Variants in ZSCAN25 observed in about 807,000 individuals in gnomAD.
ZSCAN25 encodes zinc finger and SCAN domain-containing protein 25.
In ZSCAN25, 27 loss-of-function variants were observed where a neutral mutation model predicts 38.7. The ratio of observed to expected loss-of-function variants is 0.70; its 90% CI spans 0.51 to 0.96. The LOEUF is 0.96. ZSCAN25 is among the 40% of genes least tolerant of loss of function. The pLI is 0.00. For missense variants in ZSCAN25, 637 were observed against 705.9 expected (o/e 0.90, Z 1.11); for synonymous variants, 273 against 277.7 (o/e 0.98, Z 0.17).
At chr7:99,656,357 G>C in the ZSCAN25 span, among the ~76,000 whole-genome samples, 1 of 152,180 alleles carries the variant, frequency 6.6e-6, no homozygotes, top group South Asian at 2.1e-4. Flanking sequence ...TTTTGTCGTT[G>C]GTTCTGTTTA....
the ZSCAN25 span, among the ~76,000 whole-genome samples, chr7:99,723,848 A>G: frequency 6.6e-6 from 1 of 152,092 alleles, no homozygotes; most frequent in Non-Finnish European, 1.5e-5. Context: ...ATGAACTCAA[A>G]ACTCTGGTGC....
At chr7:99,658,408 C>T in the ZSCAN25 span, among the ~76,000 whole-genome samples, 1 of 152,116 alleles carries the variant, frequency 6.6e-6, no homozygotes, top group African/African-American at 2.4e-5. Context: ...TGAATATTGG[C>T]CCCCACTCTC....
chr7:99,638,649 C>A, the ZSCAN25 span: 2 of 1,581,342 alleles, frequency 1.3e-6, no homozygotes, highest in South Asian at 1.1e-5. Flanking sequence ...GAATTGTGGT[C>A]ACCGACTGGC....
At chr7:99,652,017 G>A in the ZSCAN25 span, among the ~76,000 whole-genome samples, 2 of 152,128 alleles carry the variant, frequency 1.3e-5, no homozygotes, top group East Asian at 3.8e-4. Flanking sequence ...AACGTTGAAA[G>A]CAAATGGAAT....
At chr7:99,697,456 T>C in the ZSCAN25 span, among the ~76,000 whole-genome samples, 1 of 152,174 alleles carries the variant, frequency 6.6e-6, no homozygotes, top group African/African-American at 2.4e-5. Context: ...AAAATGTGGC[T>C]GAAAAGTATG....
the ZSCAN25 span, among the ~76,000 whole-genome samples, chr7:99,706,667 G>T: frequency 6.6e-6 from 1 of 151,888 alleles, no homozygotes; most frequent in South Asian, 2.1e-4. Flanking sequence ...TTTTCAAAAG[G>T]CATGAATATA....
the ZSCAN25 span, chr7:99,672,749 G>A: frequency 6.2e-7 from 1 of 1,605,960 alleles, no homozygotes; most frequent in African/African-American, 1.3e-5. Flanking sequence ...CACCCAGGAA[G>A]CCAGACTTTG....
the ZSCAN25 span, among the ~76,000 whole-genome samples, chr7:99,728,354 C>G: frequency 1.3e-5 from 2 of 152,208 alleles, no homozygotes; most frequent in African/African-American, 2.4e-5. Flanking sequence ...CCCATTCCCC[C>G]TTCTTGTTTA....
the ZSCAN25 span, among the ~76,000 whole-genome samples, chr7:99,642,573 C>T: frequency 6.6e-6 from 1 of 152,208 alleles, no homozygotes; most frequent in Non-Finnish European, 1.5e-5. Flanking sequence ...AAAATAAATG[C>T]ATGCTATTGT....
At chr7:99,683,148 A>G in the ZSCAN25 span, among the ~76,000 whole-genome samples, 2 of 152,228 alleles carry the variant, frequency 1.3e-5, no homozygotes, top group African/African-American at 4.8e-5. Flanking sequence ...CACAAAATGT[A>G]TCCTAGGCTT....
chr7:99,735,020 C>T, the ZSCAN25 span: 11 of 1,614,082 alleles, frequency 6.8e-6, no homozygotes, highest in Non-Finnish European at 9.3e-6. Flanking sequence ...AACAGTTACT[C>T]ACAGATAGAG....
chr7:99,660,679 A>G, the ZSCAN25 span: 2 of 1,612,964 alleles, frequency 1.2e-6, no homozygotes, highest in East Asian at 2.2e-5. Flanking sequence ...GAGGAAAGAC[A>G]TTTTAGGTAA....
the ZSCAN25 span, chr7:99,660,583 A>C: frequency 6.2e-7 from 1 of 1,614,024 alleles, no homozygotes; most frequent in Non-Finnish European, 8.5e-7. Flanking sequence ...AAGTGAAGGA[A>C]AGAACACTGC....
chr7:99,724,561 C>A, the ZSCAN25 span, among the ~76,000 whole-genome samples: 1 of 151,962 alleles, frequency 6.6e-6, no homozygotes, highest in African/African-American at 2.4e-5. Flanking sequence ...CTCTCCCCTC[C>A]CCACCAGGCT....
At chr7:99,637,094 G>A (rs1203954966), downstream of ZSCAN25, among the ~76,000 whole-genome samples, 1 of 152,138 alleles carries the variant, frequency 6.6e-6, no homozygotes, top group African/African-American at 2.4e-5. Context: ...TGGAGGTGTG[G>A]ATCACACATC....
chr7:99,713,269 C>G, the ZSCAN25 span, among the ~76,000 whole-genome samples: 3 of 152,212 alleles, frequency 2.0e-5, no homozygotes, highest in South Asian at 6.2e-4. Context: ...TTAGGGTTGC[C>G]CTTTAAGCTT....
chr7:99,672,189 C>A, the ZSCAN25 span, among the ~76,000 whole-genome samples: 1 of 152,012 alleles, frequency 6.6e-6, no homozygotes, highest in Non-Finnish European at 1.5e-5. Flanking sequence ...GTAGCTGGGA[C>A]TACAGGCGCA....
downstream of ZSCAN25, among the ~76,000 whole-genome samples, chr7:99,633,236 G>A (rs537300322): frequency 1.2e-4 from 19 of 152,114 alleles, no homozygotes; most frequent in African/African-American, 4.6e-4. Context: ...ATGTAGAAGT[G>A]TTTAGTGGTG....
At chr7:99,720,268 T>G in the ZSCAN25 span, 7 of 1,607,340 alleles carry the variant, frequency 4.4e-6, no homozygotes, top group Non-Finnish European at 5.9e-6. Flanking sequence ...AAATAAAAAT[T>G]TAATCAATCA....
Sources: gnomAD v4.1 joint callset for allele counts (sites outside exome capture counted in the v4.1 genomes callset) on GRCh38, gnomAD v4.1.1 for gene constraint, MANE v1.5 for transcripts, NCBI Gene and HGNC (gene_info 2026-07-23, HGNC 2026-07-21) for gene names.